MECR: variants seen among roughly 807,000 people sequenced by gnomAD.
MECR encodes mitochondrial trans-2-enoyl-CoA reductase.
MECR carries 37 observed loss-of-function variants against 49.1 expected under a neutral mutation model. The ratio of observed to expected loss-of-function variants is 0.75; its 90% confidence interval spans 0.58 to 0.99. The LOEUF is 0.99. Ranked by LOEUF, MECR falls within the 50% of genes least tolerant of loss-of-function variation. The pLI is 0.00. For missense variants in MECR, 470 were observed against 479.6 expected, an observed-to-expected ratio of 0.98 and a Z score of 0.19; for synonymous variants, 198 against 191.1, an observed-to-expected ratio of 1.04 and a Z score of -0.30.
intron 1 of MECR, chr1:29,230,371 G>A (rs1683127103): frequency 2.0e-5 from 5 of 245,812 alleles, no homozygotes; most frequent in Non-Finnish European, 4.0e-5. Flanking sequence ...TGTGACCTTG[G>A]ACGAGTGATT....
intron 3 of MECR, among the ~76,000 whole-genome samples, chr1:29,212,867 G>A (rs184984032): frequency 4.9e-4 from 75 of 152,076 alleles, no homozygotes; most frequent in Admixed American, 1.3e-3. Flanking sequence ...TCTCCCACTC[G>A]CACCCATGAG....
At chr1:29,173,454 T>G in the MECR span, 4 of 100,534 alleles carry the variant, frequency 4.0e-5, no homozygotes, top group Admixed American at 4.8e-4. Context: ...TAAAAAGTTG[T>G]TTTTTTTTTT....
the MECR span, among the ~76,000 whole-genome samples, chr1:29,186,714 C>T: frequency 2.0e-5 from 3 of 152,272 alleles, no homozygotes; most frequent in East Asian, 5.8e-4. Flanking sequence ...ATGTCAAGAA[C>T]AAAATCAAGG....
the MECR span, chr1:29,181,865 G>C: frequency 1.2e-6 from 1 of 841,764 alleles, no homozygotes; most frequent in Non-Finnish European, 1.6e-6. Flanking sequence ...CGGCGGGACG[G>C]ACGCAGCCGA....
chr1:29,174,040 T>A, the MECR span, among the ~76,000 whole-genome samples: 1 of 151,044 alleles, frequency 6.6e-6, no homozygotes, highest in Non-Finnish European at 1.5e-5. Context: ...AATACAAAAA[T>A]TAGCGGGGTG....
intron 1 of MECR, among the ~76,000 whole-genome samples, chr1:29,222,918 A>T (rs544969036): frequency 6.6e-6 from 1 of 152,350 alleles, no homozygotes; most frequent in Non-Finnish European, 1.5e-5. Flanking sequence ...AGACAGTGCT[A>T]ACCATGTTGT....
In MECR at chr1:29,202,025, C is replaced by T; in HGVS notation, c.674G>A (p.Ser225Asn). The stretch of plus-strand genomic sequence containing the variant: ...AGCCCCCAGACTCTTCAGTCTGTCA[C>T]TCAGCTTCTGGATATCAGGTCTGGA... ...VRDRPDIQKL[S>N]DRLKSLGAEH... Residue 225 changes from serine to asparagine, a missense_variant, in exon 6 of 10, where the codon AGT becomes AAT. Coordinates refer to ENST00000263702, the MANE Select transcript of MECR (RefSeq NM_016011.5). 4.3e-6 allele frequency: 7 copies of T among 1,614,194 alleles called. No homozygotes were observed. The highest frequency in any genetic ancestry group is 5.9e-6 in the Non-Finnish European group (7 of 1,180,028).
At chr1:29,181,862 A>G in the MECR span, 10 of 906,150 alleles carry the variant, frequency 1.1e-5, no homozygotes, top group African/African-American at 1.2e-4. Context: ...GGGCGGCGGG[A>G]CGGACGCAGC....
chr1:29,225,645 T>C (rs750404710), intron 1 of MECR, among the ~76,000 whole-genome samples: 2 of 152,158 alleles, frequency 1.3e-5, no homozygotes, highest in Non-Finnish European at 2.9e-5. Context: ...ATGCCTTCTG[T>C]TCCCACTCCA....
At chr1:29,195,304 G>A (rs1336302995) in intron 9 of MECR, among the ~76,000 whole-genome samples, 1 of 152,162 alleles carries the variant, frequency 6.6e-6, no homozygotes, top group East Asian at 1.9e-4. Context: ...GATATTTTCT[G>A]CCTGAAACAC....
At chr1:29,214,883 A>G (rs1036162298) in intron 3 of MECR, among the ~76,000 whole-genome samples, 1 of 152,212 alleles carries the variant, frequency 6.6e-6, no homozygotes, top group African/African-American at 2.4e-5. Flanking sequence ...TGTGAGGATC[A>G]ATAACAGACG....
the MECR span, chr1:29,169,824 T>C: frequency 6.6e-6 from 1 of 152,220 alleles, no homozygotes; most frequent in African/African-American, 2.4e-5. Flanking sequence ...ATCATTATCC[T>C]AAACACCAAA....
At chr1:29,217,127 CAAAAAAAAAAA>C (rs1195549293) in intron 1 of MECR, among the ~76,000 whole-genome samples, 1 of 47,264 alleles carries the variant, frequency 2.1e-5, no homozygotes, top group Admixed American at 3.9e-4. Context: ...GACTTTGTCT[CAAAAAAAAAAA>C]AAAAAAAAAA....
intron 3 of MECR, among the ~76,000 whole-genome samples, chr1:29,213,401 GT>G (rs202093387): frequency 0.12 from 17,440 of 148,938 alleles, 1,348 homozygotes; most frequent in East Asian, 0.41. Flanking sequence ...TCCTATTACT[GT>G]TTTTTTTTTT....
At chr1:29,221,848 G>A (rs1184844475) in intron 1 of MECR, among the ~76,000 whole-genome samples, 1 of 152,136 alleles carries the variant, frequency 6.6e-6, no homozygotes, top group African/African-American at 2.4e-5. Context: ...TTATGTCGAT[G>A]GCTTACTGAG....
chr1:29,228,679 C>CT (rs367832639), intron 1 of MECR, among the ~76,000 whole-genome samples: 1,699 of 149,682 alleles, frequency 0.011, 37 homozygotes, highest in African/African-American at 0.039. Context: ...ATAATAGAAG[C>CT]TTTTTTTTTT....
chr1:29,199,087 G>C (rs1266226329), intron 7 of MECR, among the ~76,000 whole-genome samples: 1 of 152,216 alleles, frequency 6.6e-6, no homozygotes. Flanking sequence ...AATTCTCAGA[G>C]GGCACATCAG....
chr1:29,206,074 GGAA>G (rs1238529613), intron 4 of MECR, among the ~76,000 whole-genome samples: 2 of 152,164 alleles, frequency 1.3e-5, no homozygotes, highest in Non-Finnish European at 2.9e-5. Context: ...TTTATGAAAG[GGAA>G]GAAGAATATA....
intron 1 of MECR, among the ~76,000 whole-genome samples, chr1:29,226,135 C>T (rs967243902): frequency 2.1e-5 from 3 of 143,852 alleles, no homozygotes; most frequent in African/African-American, 7.9e-5. Flanking sequence ...CACCACTGCA[C>T]TCCAGCCTGG....
Sources: gnomAD v4.1 joint callset for allele counts (sites outside exome capture counted in the v4.1 genomes callset) on GRCh38, gnomAD v4.1.1 for gene constraint, MANE v1.5 for transcripts, NCBI Gene and HGNC (gene_info 2026-07-23, HGNC 2026-07-21) for gene names.